LRP5: variants seen among roughly 807,000 people sequenced by gnomAD.
LRP5 encodes the protein LDL receptor related protein 5.
A neutral mutation model predicts 154.1 loss-of-function variants in LRP5; 62 were observed. The observed-to-expected ratio is 0.40, with a 90% CI of 0.33 to 0.50. The LOEUF is 0.50. LRP5 is among the 20% of genes least tolerant of loss of function. LRP5 has a pLI of 0.55. For synonymous variants in LRP5, 966 were observed against 1,011.5 expected (o/e 0.96, Z 0.85); for missense variants, 1,915 against 2,336.7 (o/e 0.82, Z 3.72).
At chr11:68,398,774 C>T (rs2098650997) in intron 7 of LRP5, among the ~76,000 whole-genome samples, 1 of 152,014 alleles carries the variant, frequency 6.6e-6, no homozygotes, top group African/African-American at 2.4e-5. Flanking sequence ...CTCGCTCTGT[C>T]ACCCAGGCTG....
At chr11:68,317,877 A>C (rs1295027570) in intron 1 of LRP5, among the ~76,000 whole-genome samples, 1 of 151,878 alleles carries the variant, frequency 6.6e-6, no homozygotes, top group Non-Finnish European at 1.5e-5. Flanking sequence ...CCACAGGGAC[A>C]CTGTTCTCTG....
intron 5 of LRP5, among the ~76,000 whole-genome samples, chr11:68,379,122 G>A (rs1383989347): frequency 6.6e-6 from 1 of 152,158 alleles, no homozygotes; most frequent in Non-Finnish European, 1.5e-5. Context: ...TGTGTGTAAT[G>A]TTGTGTCTGA....
At chr11:68,314,489 G>A (rs151162644) in intron 1 of LRP5, among the ~76,000 whole-genome samples, 2 of 152,350 alleles carry the variant, frequency 1.3e-5, no homozygotes, top group East Asian at 3.9e-4. Flanking sequence ...TATATCCCTG[G>A]TTTTACTGTG....
intron 9 of LRP5, among the ~76,000 whole-genome samples, chr11:68,409,051 GAAAAA>G (rs57069059): frequency 0.026 from 1,331 of 51,350 alleles, 57 homozygotes; most frequent in East Asian, 0.074. Flanking sequence ...CTTATCTGGG[GAAAAA>G]AAAAAAAAAA....
At chr11:68,334,421 A>C (rs1196040611) in intron 1 of LRP5, among the ~76,000 whole-genome samples, 1 of 152,222 alleles carries the variant, frequency 6.6e-6, no homozygotes, top group Non-Finnish European at 1.5e-5. Flanking sequence ...TGAGCAAATA[A>C]GTAAACATAT....
intron 5 of LRP5, among the ~76,000 whole-genome samples, chr11:68,384,265 GA>G (rs1463590431): frequency 6.6e-6 from 1 of 152,222 alleles, no homozygotes; most frequent in African/African-American, 2.4e-5. Flanking sequence ...GGGCACAGGG[GA>G]CCATCTGTTG....
chr11:68,434,836 C>T lies in LRP5; in HGVS notation c.4000+998C>T, dbSNP rs140113831. Reference sequence around the variant, plus strand: ...CACATGCAGTCTGGCCACTGTCCTACGTCCTCATTCACAAAGAGCAGACAT... The same window carrying T: ...CACATGCAGTCTGGCCACTGTCCTATGTCCTCATTCACAAAGAGCAGACAT... On this transcript the variant is annotated intron_variant, in intron 18 of 22. Coordinates refer to ENST00000294304, the MANE Select transcript of LRP5 (RefSeq NM_002335.4). Among the ~76,000 whole-genome samples, 21 of 152,320 alleles carry T rather than the reference C, an allele frequency of 1.4e-4. No homozygotes were observed. The East Asian group carries it at 3.3e-3, about 24-fold the overall frequency.
intron 7 of LRP5, among the ~76,000 whole-genome samples, chr11:68,400,968 G>A (rs2098652308): frequency 6.6e-6 from 1 of 152,154 alleles, no homozygotes; most frequent in South Asian, 2.1e-4. Flanking sequence ...TTTTCTAAAT[G>A]CTGATTCTTT....
chr11:68,345,579 G>C (rs940368065), intron 1 of LRP5, among the ~76,000 whole-genome samples: 2 of 152,242 alleles, frequency 1.3e-5, no homozygotes, highest in Non-Finnish European at 2.9e-5. Context: ...GAGCCACCAT[G>C]CCTGGCTGCC....
the LRP5 span, among the ~76,000 whole-genome samples, chr11:68,300,134 G>A: frequency 6.7e-6 from 1 of 148,942 alleles, no homozygotes; most frequent in African/African-American, 2.4e-5. Context: ...GCCCACCTTG[G>A]CCTCCCAAAG....
chr11:68,388,437 C>T (rs1216117901), intron 6 of LRP5, among the ~76,000 whole-genome samples: 8 of 151,874 alleles, frequency 5.3e-5, no homozygotes, highest in African/African-American at 9.7e-5. Flanking sequence ...CCTGTGAGGT[C>T]GTGGGGTCCA....
chr11:68,424,828 TTGGA>T (rs1389805351), intron 14 of LRP5, among the ~76,000 whole-genome samples: 1 of 152,214 alleles, frequency 6.6e-6, no homozygotes, highest in Non-Finnish European at 1.5e-5. Context: ...GACACTTCAG[TTGGA>T]TTTAGGGCCT....
rs576462333 is a variant in LRP5, at chr11:68,341,059, C to CTTTTTTTTTTTTTTTTT, written c.92-6785_92-6769dup. On this transcript the variant is annotated intron_variant, in intron 1 of 22. Coordinates refer to ENST00000294304, the MANE Select transcript of LRP5 (RefSeq NM_002335.4). The stretch of plus-strand genomic sequence containing the variant: ...GTTACCCCTGCCGCTGGAGATTGTT[C>CTTTTTTTTTTTTTTTTT]TTTTTTTTTTTTTTTTTTTGCTATT... Among the ~76,000 whole-genome samples the CTTTTTTTTTTTTTTTTT allele has an allele frequency of 3.1e-3, 255 of 83,436 alleles. 29 individuals are homozygous for CTTTTTTTTTTTTTTTTT. Among genetic ancestry groups the CTTTTTTTTTTTTTTTTT allele is most frequent in the Middle Eastern group, 0.017 (2 of 120 alleles). 54.7% of individuals were successfully genotyped at this position (83,436 alleles called of 152,430 possible).
At chr11:68,403,735 T>C (rs764357001) in intron 8 of LRP5, 36 bp downstream of exon 8, 10 of 1,610,658 alleles carry the variant, frequency 6.2e-6, no homozygotes, top group African/African-American at 2.7e-5. Flanking sequence ...GGCTCAGCCA[T>C]GCAGACTTGC....
chr11:68,437,710 G>A (rs1254322826), intron 19 of LRP5, among the ~76,000 whole-genome samples: 1 of 152,228 alleles, frequency 6.6e-6, no homozygotes, highest in Non-Finnish European at 1.5e-5. Context: ...GGGACTCCCT[G>A]TGCCCTTTGG....
intron 13 of LRP5, among the ~76,000 whole-genome samples, chr11:68,419,742 C>T (rs2098664509): frequency 6.6e-6 from 1 of 152,080 alleles, no homozygotes; most frequent in Non-Finnish European, 1.5e-5. Context: ...CGGGGTTTCA[C>T]CATGTTGGCC....
At chr11:68,410,875 G>A (rs1331829831) in intron 10 of LRP5, among the ~76,000 whole-genome samples, 1 of 152,214 alleles carries the variant, frequency 6.6e-6, no homozygotes, top group Non-Finnish European at 1.5e-5. Flanking sequence ...AAGACTTCAG[G>A]ATGGCAGGAC....
chr11:68,411,676 C>A, intron 11 of LRP5, 56 bp downstream of exon 11: 1 of 1,542,396 alleles, frequency 6.5e-7, no homozygotes, highest in Non-Finnish European at 8.8e-7. Flanking sequence ...CGGGCGTTGG[C>A]CACCTCCCAG....
At chr11:68,373,933 A>G (rs1005489690) in intron 5 of LRP5, among the ~76,000 whole-genome samples, 7 of 151,950 alleles carry the variant, frequency 4.6e-5, no homozygotes, top group African/African-American at 1.7e-4. Flanking sequence ...GCACCATGCC[A>G]CTCGGGCCAC....
Sources: allele counts gnomAD v4.1 joint callset (sites outside exome capture counted in the v4.1 genomes callset), GRCh38; gene constraint gnomAD v4.1.1; transcripts MANE v1.5; gene names NCBI Gene and HGNC (gene_info 2026-07-23, HGNC 2026-07-21).